The following ATP8A2 variants were observed in gnomAD, a reference collection of about 807,000 sequenced individuals.
ATP8A2 encodes ATPase phospholipid transporting 8A2.
ATP8A2 carries 100 observed loss-of-function variants against 165.6 expected under a neutral mutation model. The ratio of observed to expected loss-of-function variants is 0.60; its 90% CI spans 0.51 to 0.71. ATP8A2 has a LOEUF of 0.71. Ranked by LOEUF, ATP8A2 falls within the 30% of genes least tolerant of loss-of-function variation. ATP8A2 has a pLI of 0.00. For missense variants in ATP8A2, 1,227 were observed against 1,479.5 expected (o/e 0.83, Z 2.80); for synonymous variants, 543 against 548.8 (o/e 0.99, Z 0.15).
At chr13:25,970,712 G>A (rs1222113751) in intron 35 of ATP8A2, among the ~76,000 whole-genome samples, 5 of 152,156 alleles carry the variant, frequency 3.3e-5, no homozygotes, top group African/African-American at 9.7e-5. Flanking sequence ...GTGTGTAAAA[G>A]GTCAGCTGCT....
chr13:25,982,838 G>A (rs1956196799), intron 35 of ATP8A2, among the ~76,000 whole-genome samples: 1 of 152,064 alleles, frequency 6.6e-6, no homozygotes. Flanking sequence ...GGATCTTCAG[G>A]CAATTCTTCC....
intron 24 of ATP8A2, among the ~76,000 whole-genome samples, chr13:25,594,042 C>T (rs1348759488): frequency 6.6e-6 from 1 of 152,122 alleles, no homozygotes; most frequent in African/African-American, 2.4e-5. Context: ...TATAATTAAC[C>T]ATAAACTTTG....
intron 25 of ATP8A2, among the ~76,000 whole-genome samples, chr13:25,740,090 A>G (rs1055982511): frequency 6.6e-6 from 1 of 152,170 alleles, no homozygotes; most frequent in African/African-American, 2.4e-5. Context: ...CGGGCGGATC[A>G]CAAGGTCAGG....
intron 33 of ATP8A2, among the ~76,000 whole-genome samples, chr13:25,884,928 A>T (rs1953097356): frequency 6.6e-6 from 1 of 151,944 alleles, no homozygotes; most frequent in Non-Finnish European, 1.5e-5. Context: ...TTGACTCTGC[A>T]GGGAACACAG....
At chr13:25,968,113 G>A (rs187808468) in intron 34 of ATP8A2, among the ~76,000 whole-genome samples, 182 of 152,276 alleles carry the variant, frequency 1.2e-3, no homozygotes, top group African/African-American at 4.1e-3. Flanking sequence ...CTCTTTTCAC[G>A]CTAAAGAGGG....
intron 32 of ATP8A2, among the ~76,000 whole-genome samples, chr13:25,861,549 T>C (rs150462956): frequency 1.3e-4 from 20 of 152,110 alleles, no homozygotes; most frequent in African/African-American, 4.6e-4. Flanking sequence ...CTAAGAAAAA[T>C]GGGGATGGGG....
intron 27 of ATP8A2, among the ~76,000 whole-genome samples, chr13:25,824,015 G>A (rs569766894): frequency 6.6e-6 from 1 of 152,242 alleles, no homozygotes; most frequent in African/African-American, 2.4e-5. Context: ...CTGTCACCCA[G>A]GCTGGGGTGC....
chr13:25,773,170 G>C (rs1006961993), intron 26 of ATP8A2, among the ~76,000 whole-genome samples: 1 of 152,168 alleles, frequency 6.6e-6, no homozygotes, highest in Non-Finnish European at 1.5e-5. Context: ...GTCTCTCCTA[G>C]TAGTGTAATA....
At chr13:25,740,515 G>A (rs1412586760) in intron 25 of ATP8A2, among the ~76,000 whole-genome samples, 2 of 152,068 alleles carry the variant, frequency 1.3e-5, no homozygotes, top group Non-Finnish European at 2.9e-5. Flanking sequence ...CAATGTAGCA[G>A]GGTAAGTGGA....
At chr13:25,623,883 T>C (rs1415095966) in intron 24 of ATP8A2, among the ~76,000 whole-genome samples, 4 of 152,164 alleles carry the variant, frequency 2.6e-5, no homozygotes, top group Admixed American at 1.3e-4. Context: ...TATACCTATA[T>C]ATGCATATAT....
At chr13:25,817,941 A>T (rs975879010) in intron 27 of ATP8A2, among the ~76,000 whole-genome samples, 1 of 152,158 alleles carries the variant, frequency 6.6e-6, no homozygotes, top group Non-Finnish European at 1.5e-5. Context: ...TCAACCTCCC[A>T]AAGTGCTGGG....
At chr13:25,455,612 C>T (rs1475915588) in intron 1 of ATP8A2, among the ~76,000 whole-genome samples, 2 of 152,140 alleles carry the variant, frequency 1.3e-5, no homozygotes, top group African/African-American at 4.8e-5. Context: ...ATTTATACAG[C>T]TAGAAATTCA....
chr13:25,411,853 T>C (rs1245562528), intron 1 of ATP8A2, among the ~76,000 whole-genome samples: 1 of 152,236 alleles, frequency 6.6e-6, no homozygotes, highest in East Asian at 1.9e-4. Flanking sequence ...GGTAGGATTC[T>C]GGGTGACTTT....
At chr13:25,837,523 T>C (rs1002180144) in intron 29 of ATP8A2, among the ~76,000 whole-genome samples, 11 of 151,458 alleles carry the variant, frequency 7.3e-5, no homozygotes, top group Non-Finnish European at 1.2e-4. Context: ...GTCCATGCTG[T>C]GTGGGCTGCA....
chr13:25,662,423 A>G (rs2042069339), intron 24 of ATP8A2, among the ~76,000 whole-genome samples: 1 of 152,154 alleles, frequency 6.6e-6, no homozygotes. Context: ...CTGATTCTAT[A>G]TGGGATTCTG....
At position 25,465,728 on chromosome 13, in the gene ATP8A2, TTTC is replaced by T. The variant is rs1566153476; in HGVS notation, c.77-3246_77-3244del. ...CTTTCTTTCTTTCTTTCTTTCTTTC[TTTC>T]TTTCTTTCCCTCCCTCCCTCTCTCT... On this transcript the variant is annotated intron_variant, in intron 1 of 36. Transcript: ENST00000381655. Among the ~76,000 whole-genome samples the T allele has an allele frequency of 1.9e-3, 86 of 45,780 alleles. 3 individuals carry two copies. The highest frequency in any genetic ancestry group is 5.3e-3 in the East Asian group (8 of 1,520). The allele number at this position is 45,780 out of a possible 152,430, so 30.0% of individuals were successfully genotyped here.
intron 27 of ATP8A2, among the ~76,000 whole-genome samples, chr13:25,804,094 C>T (rs1166158124): frequency 6.6e-6 from 1 of 152,202 alleles, no homozygotes; most frequent in Non-Finnish European, 1.5e-5. Context: ...GAAGTCACTA[C>T]CTATGCATAT....
At chr13:25,501,455 G>C (rs2036850980) in intron 2 of ATP8A2, among the ~76,000 whole-genome samples, 1 of 152,194 alleles carries the variant, frequency 6.6e-6, no homozygotes, top group South Asian at 2.1e-4. Flanking sequence ...TGATGAGTGA[G>C]AGTTTCCTAA....
At chr13:25,586,403 G>C (rs1041730774) in intron 23 of ATP8A2, among the ~76,000 whole-genome samples, 1 of 152,164 alleles carries the variant, frequency 6.6e-6, no homozygotes, top group African/African-American at 2.4e-5. Context: ...ATGTTCTTCT[G>C]TGTGGCGAGG....
Sources: gnomAD v4.1 joint callset for allele counts (sites outside exome capture counted in the v4.1 genomes callset) on GRCh38, gnomAD v4.1.1 for gene constraint, MANE v1.5 for transcripts, NCBI Gene and HGNC (gene_info 2026-07-23, HGNC 2026-07-21) for gene names.